NINJ2: variants seen among roughly 807,000 people sequenced by gnomAD.
NINJ2 encodes ninjurin-2.
In NINJ2, 12 loss-of-function variants were observed where a neutral mutation model predicts 11.7. That is an observed-to-expected ratio of 1.02 (90% confidence interval 0.66 to 1.66). NINJ2 has a LOEUF of 1.66. Ranked by LOEUF, NINJ2 falls within the 40% of genes most tolerant of loss-of-function variation. The pLI, the probability that NINJ2 is intolerant of heterozygous loss-of-function variation, is 0.00. For synonymous variants in NINJ2, 93 were observed against 76.8 expected (o/e 1.21, Z -1.10); for missense variants, 187 against 181.8 (o/e 1.03, Z -0.16).
At chr12:573,481 A>C (rs1343603457) in intron 1 of NINJ2, among the ~76,000 whole-genome samples, 1 of 152,154 alleles carries the variant, frequency 6.6e-6, no homozygotes, top group Non-Finnish European at 1.5e-5. Flanking sequence ...TAGGAGGCTG[A>C]GACAGGAGAA....
intron 1 of NINJ2, among the ~76,000 whole-genome samples, chr12:578,788 GTGAATGGAT>G (rs1416324613): frequency 1.3e-5 from 2 of 152,214 alleles, no homozygotes; most frequent in Non-Finnish European, 2.9e-5. Flanking sequence ...CCAGAGAGGA[GTGAATGGAT>G]CCAAACTGTC....
chr12:651,803 G>T (rs564254138), intron 1 of NINJ2, among the ~76,000 whole-genome samples: 1 of 152,334 alleles, frequency 6.6e-6, no homozygotes, highest in African/African-American at 2.4e-5. Flanking sequence ...TGACAGAAAT[G>T]AAGAATGCCA....
intron 1 of NINJ2, among the ~76,000 whole-genome samples, chr12:619,420 G>A (rs746300773): frequency 2.6e-5 from 4 of 152,218 alleles, no homozygotes; most frequent in Non-Finnish European, 5.9e-5. Flanking sequence ...ATGGAGTGGG[G>A]CGATCTTTAC....
chr12:638,617 G>GTTT (rs1948382202), intron 1 of NINJ2, among the ~76,000 whole-genome samples: 1 of 152,154 alleles, frequency 6.6e-6, no homozygotes, highest in Non-Finnish European at 1.5e-5. Flanking sequence ...GGGTTTCACC[G>GTTT]TGTTAGCCAT....
At chr12:590,594 T>C (rs1432316424) in intron 1 of NINJ2, 1 of 152,302 alleles carries the variant, frequency 6.6e-6, no homozygotes, top group Non-Finnish European at 1.5e-5. Context: ...CCTGGTGGGA[T>C]TACAGCAGTC....
chr12:629,881 C>CAA (rs1179186409), intron 1 of NINJ2, among the ~76,000 whole-genome samples: 207 of 3,368 alleles, frequency 0.061, 35 homozygotes, highest in Admixed American at 0.12. Flanking sequence ...GAGCAAAACT[C>CAA]AAAAAAAAAA....
At chr12:659,106 AAAAC>A (rs370278810) in intron 1 of NINJ2, among the ~76,000 whole-genome samples, 59 of 150,424 alleles carry the variant, frequency 3.9e-4, no homozygotes, top group South Asian at 2.3e-3. Flanking sequence ...TAAAAACAAT[AAAAC>A]AAACAAACAA....
Position 635,508 on chromosome 12 carries a change from G to GTTTTCA in NINJ2, c.33+27819_33+27820insTGAAAA, listed in dbSNP as rs1421116837. The stretch of plus-strand genomic sequence containing the variant: ...GATAATCTTTTCAGTAAATGGTGCT[G>GTTTTCA]GAAAAACTGGATAGTCCCACATACA... On this transcript the variant is annotated intron_variant, in intron 1 of 3. Transcript: ENST00000305108. 2.0e-5 allele frequency among the ~76,000 whole-genome samples: 3 copies of GTTTTCA among 152,276 alleles called. No homozygotes were observed. In the South Asian group the frequency reaches 6.2e-4, roughly 32 times the overall value.
chr12:651,871 A>G (rs1264912461), intron 1 of NINJ2, among the ~76,000 whole-genome samples: 2 of 152,238 alleles, frequency 1.3e-5, no homozygotes, highest in African/African-American at 4.8e-5. Flanking sequence ...GAGCTTACGC[A>G]TATCTCATAG....
At chr12:602,297 C>G (rs768535537) in intron 1 of NINJ2, among the ~76,000 whole-genome samples, 20 of 152,218 alleles carry the variant, frequency 1.3e-4, no homozygotes, top group Non-Finnish European at 2.5e-4. Flanking sequence ...CAGTGCCCAT[C>G]CCTTCCTTAT....
At chr12:574,281 G>A (rs1947420967) in intron 1 of NINJ2, among the ~76,000 whole-genome samples, 1 of 152,044 alleles carries the variant, frequency 6.6e-6, no homozygotes, top group African/African-American at 2.4e-5. Context: ...CTGATATTGT[G>A]CCACTGTACT....
chr12:654,019 G>C (rs1320265461), intron 1 of NINJ2, among the ~76,000 whole-genome samples: 1 of 152,116 alleles, frequency 6.6e-6, no homozygotes, highest in Non-Finnish European at 1.5e-5. Flanking sequence ...AATATAGTGA[G>C]ACCCCATCTC....
chr12:657,321 G>A (rs1478192886), intron 1 of NINJ2, among the ~76,000 whole-genome samples: 2 of 152,192 alleles, frequency 1.3e-5, no homozygotes, highest in African/African-American at 4.8e-5. Flanking sequence ...CGGGCGCAGT[G>A]GCTCACACCT....
chr12:577,967 TAAAG>T (rs1947492552), intron 1 of NINJ2, among the ~76,000 whole-genome samples: 1 of 151,886 alleles, frequency 6.6e-6, no homozygotes, highest in African/African-American at 2.4e-5. Context: ...TGCCTCCAAA[TAAAG>T]AAGAAGTAAA....
intron 1 of NINJ2, among the ~76,000 whole-genome samples, chr12:598,595 T>G (rs1006752727): frequency 3.0e-4 from 45 of 152,214 alleles, no homozygotes; most frequent in Admixed American, 1.2e-3. Context: ...TTAGAGTCAT[T>G]TGAGGTCCAC....
At chr12:606,737 G>C (rs1040769357) in intron 1 of NINJ2, among the ~76,000 whole-genome samples, 7 of 152,180 alleles carry the variant, frequency 4.6e-5, no homozygotes, top group Non-Finnish European at 4.4e-5. Flanking sequence ...CACAAAAATT[G>C]TCCTTCCTTT....
chr12:572,511 G>A (rs1185615925), intron 1 of NINJ2, among the ~76,000 whole-genome samples: 2 of 152,226 alleles, frequency 1.3e-5, no homozygotes, highest in Non-Finnish European at 2.9e-5. Flanking sequence ...TCGTTCAAAG[G>A]AAGGGGCTTA....
At chr12:610,260 T>C in intron 1 of NINJ2, 3 of 1,146,782 alleles carry the variant, frequency 2.6e-6, no homozygotes, top group South Asian at 1.3e-5. Flanking sequence ...ACAGCCCCTC[T>C]GGCAGCCCTC....
chr12:607,626 T>C (rs1310655498), intron 1 of NINJ2, among the ~76,000 whole-genome samples: 2 of 152,188 alleles, frequency 1.3e-5, no homozygotes, highest in Non-Finnish European at 2.9e-5. Flanking sequence ...AGTGAGTGAT[T>C]GACAGTCAGA....
Sources: gnomAD v4.1 joint callset for allele counts (sites outside exome capture counted in the v4.1 genomes callset) on GRCh38, gnomAD v4.1.1 for gene constraint, MANE v1.5 for transcripts, NCBI Gene and HGNC (gene_info 2026-07-23, HGNC 2026-07-21) for gene names.